The following THUMPD2 variants were observed in gnomAD, a reference collection of about 807,000 sequenced individuals.
The protein encoded by THUMPD2 is THUMP domain 2 tRNA and snRNA guanosine methyltransferase.
THUMPD2 carries 56 observed loss-of-function variants against 49.4 expected under a neutral mutation model. The ratio of observed to expected loss-of-function variants is 1.13; its 90% CI spans 0.91 to 1.41. The LOEUF (loss-of-function observed/expected upper bound fraction) is 1.41, where lower values mean the gene tolerates loss of function less well. Among genes scored for constraint, THUMPD2 ranks in the 40% most tolerant of loss-of-function variants. The pLI, the probability that THUMPD2 is intolerant of heterozygous loss-of-function variation, is 0.00. For missense variants in THUMPD2, 709 were observed against 594.5 expected, an observed-to-expected ratio of 1.19 and a Z score of -2.00; for synonymous variants, 237 against 205.2, an observed-to-expected ratio of 1.15 and a Z score of -1.32.
intron 1 of THUMPD2, among the ~76,000 whole-genome samples, chr2:39,776,975 A>G (rs541582485): frequency 1.3e-5 from 2 of 152,320 alleles, no homozygotes; most frequent in South Asian, 4.1e-4. Flanking sequence ...TGAAGTGATT[A>G]CTTTCTTAAA....
At chr2:39,756,024 C>A in intron 6 of THUMPD2, 64 bp from the exon 7 acceptor site, 1 of 1,441,318 alleles carries the variant, frequency 6.9e-7, no homozygotes, top group South Asian at 1.2e-5. Context: ...TAAAAGAAAC[C>A]TAAAACTTGA....
At chr2:39,739,812 T>C (rs923339657) in intron 9 of THUMPD2, among the ~76,000 whole-genome samples, 3 of 152,210 alleles carry the variant, frequency 2.0e-5, no homozygotes, top group Non-Finnish European at 1.5e-5. Context: ...CCTCTTCTAC[T>C]GAGCAAGGAA....
chr2:39,751,697 T>C (rs1454920418), intron 8 of THUMPD2, among the ~76,000 whole-genome samples: 1 of 150,058 alleles, frequency 6.7e-6, no homozygotes, highest in African/African-American at 2.4e-5. Context: ...TTTTTTTTTT[T>C]TTTTTGAGAC....
chr2:39,758,529 A>T (rs1676420104), intron 6 of THUMPD2, among the ~76,000 whole-genome samples: 1 of 152,080 alleles, frequency 6.6e-6, no homozygotes, highest in Non-Finnish European at 1.5e-5. Flanking sequence ...CAGAGGGGAG[A>T]ATCAGTGGAA....
At position 39,736,720 on chromosome 2, in the gene THUMPD2, A is replaced by T. The variant is rs1673125555; in HGVS notation, c.*15T>A. On this transcript the variant is annotated 3_prime_UTR_variant, in exon 10 of 10. Coordinates refer to ENST00000505747, the MANE Select transcript of THUMPD2 (RefSeq NM_025264.5). ...ACTTACAAGGGCCTGAACCCGGCTG[A>T]TGGCAGCAAGCCTGCTACAGTCCAG... 3.7e-6 allele frequency: 6 copies of T among 1,605,236 alleles called. No individual in the cohort carries two copies. The highest frequency in any genetic ancestry group is 1.1e-5 in the South Asian group (1 of 90,364).
At chr2:39,775,157 T>A (rs1572891832) in intron 1 of THUMPD2, among the ~76,000 whole-genome samples, 1 of 152,178 alleles carries the variant, frequency 6.6e-6, no homozygotes, top group Non-Finnish European at 1.5e-5. Flanking sequence ...ATGCCTGTAG[T>A]CCAAGAGGCT....
chr2:39,760,320 A>C (rs1676658226), intron 6 of THUMPD2, among the ~76,000 whole-genome samples: 1 of 152,140 alleles, frequency 6.6e-6, no homozygotes, highest in Non-Finnish European at 1.5e-5. Context: ...GTCTTGGCAG[A>C]GGGAGTAGTT....
chr2:39,749,242 G>GA (rs950965855), intron 8 of THUMPD2, among the ~76,000 whole-genome samples: 2 of 151,996 alleles, frequency 1.3e-5, no homozygotes, highest in Non-Finnish European at 2.9e-5. Context: ...ATCTTTGACA[G>GA]AAAAAAACCC....
At chr2:39,774,791 A>G (rs1490538191) in intron 1 of THUMPD2, among the ~76,000 whole-genome samples, 2 of 152,170 alleles carry the variant, frequency 1.3e-5, no homozygotes, top group Non-Finnish European at 2.9e-5. Flanking sequence ...ATTTATTTAT[A>G]TATACAATCT....
intron 8 of THUMPD2, among the ~76,000 whole-genome samples, chr2:39,751,973 C>T (rs1238318937): frequency 6.6e-6 from 1 of 152,114 alleles, no homozygotes; most frequent in Non-Finnish European, 1.5e-5. Context: ...AGGCATAAAG[C>T]CACTGCGCCT....
intron 5 of THUMPD2, 139 bp downstream of exon 5, chr2:39,765,918 T>A: frequency 1.4e-6 from 1 of 705,790 alleles, no homozygotes; most frequent in Non-Finnish European, 2.4e-6. Flanking sequence ...TACTTTATTG[T>A]CTTAAGCAAA....
intron 8 of THUMPD2, among the ~76,000 whole-genome samples, chr2:39,748,581 A>G (rs1264402206): frequency 6.6e-6 from 1 of 152,028 alleles, no homozygotes; most frequent in Admixed American, 6.6e-5. Context: ...CCAGCTACTC[A>G]GGAGGCTGAA....
chr2:39,740,109 GCTCTATAACA>G (rs1278168217), intron 9 of THUMPD2, among the ~76,000 whole-genome samples: 1 of 152,130 alleles, frequency 6.6e-6, no homozygotes, highest in East Asian at 1.9e-4. Flanking sequence ...TTCTAAGTAT[GCTCTATAACA>G]CTGTCATTTT....
chr2:39,773,688 G>A (rs1268510169), intron 1 of THUMPD2, among the ~76,000 whole-genome samples: 1 of 150,112 alleles, frequency 6.7e-6, no homozygotes, highest in African/African-American at 2.4e-5. Flanking sequence ...CGACTATTAA[G>A]TTAATTAAGA....
intron 8 of THUMPD2, among the ~76,000 whole-genome samples, chr2:39,752,499 G>T (rs1351086782): frequency 2.0e-5 from 3 of 152,100 alleles, no homozygotes; most frequent in Non-Finnish European, 4.4e-5. Context: ...AATTAATGAA[G>T]AAAATAAACG....
intron 8 of THUMPD2, among the ~76,000 whole-genome samples, chr2:39,746,185 T>C (rs1572759177): frequency 6.6e-6 from 1 of 152,132 alleles, no homozygotes; most frequent in Non-Finnish European, 1.5e-5. Flanking sequence ...GCGCCATCCT[T>C]CAAAAAAGCT....
chr2:39,772,326 C>T (rs376856168), intron 1 of THUMPD2, among the ~76,000 whole-genome samples: 4 of 152,182 alleles, frequency 2.6e-5, no homozygotes, highest in Admixed American at 6.5e-5. Context: ...TTGAGTACCA[C>T]GAATGGTAAT....
At chr2:39,772,123 A>T (rs1396576687) in intron 1 of THUMPD2, among the ~76,000 whole-genome samples, 1 of 152,240 alleles carries the variant, frequency 6.6e-6, no homozygotes, top group Non-Finnish European at 1.5e-5. Flanking sequence ...GACATTACAA[A>T]GAGTCTTGGG....
intron 8 of THUMPD2, among the ~76,000 whole-genome samples, chr2:39,749,779 CCT>C (rs775367701): frequency 2.6e-5 from 4 of 152,122 alleles, no homozygotes; most frequent in East Asian, 1.9e-4. Flanking sequence ...CTGACAGACC[CCT>C]GTGTGTGTTG....
Sources: gnomAD v4.1 joint callset for allele counts (sites outside exome capture counted in the v4.1 genomes callset) on GRCh38, gnomAD v4.1.1 for gene constraint, MANE v1.5 for transcripts, NCBI Gene and HGNC (gene_info 2026-07-23, HGNC 2026-07-21) for gene names.